ATXN2: variants seen among roughly 807,000 people sequenced by gnomAD.
The protein encoded by ATXN2 is ataxin-2.
ATXN2 carries 37 observed loss-of-function variants against 138.6 expected under a neutral mutation model. The observed-to-expected ratio is 0.27, with a 90% CI of 0.21 to 0.35. The LOEUF (loss-of-function observed/expected upper bound fraction) is 0.35, where lower values mean the gene tolerates loss of function less well. Ranked by LOEUF, ATXN2 falls within the 10% of genes least tolerant of loss-of-function variation. The pLI is 1.00. For synonymous variants in ATXN2, 549 were observed against 543.7 expected, an observed-to-expected ratio of 1.01 and a Z score of -0.13; for missense variants, 1,216 against 1,480.3, an observed-to-expected ratio of 0.82 and a Z score of 2.93.
At chr12:111,452,988 C>G (rs1593087514) in intron 24 of ATXN2, 148 bp from the exon 25 acceptor site, 2 of 468,526 alleles carry the variant, frequency 4.3e-6, no homozygotes, top group Non-Finnish European at 5.2e-6. Context: ...CCATCTGCAC[C>G]AAAGTGGGGA....
chr12:111,519,664 G>A (rs1464853694), intron 8 of ATXN2, among the ~76,000 whole-genome samples: 6 of 152,054 alleles, frequency 3.9e-5, no homozygotes, highest in Non-Finnish European at 7.4e-5. Context: ...ATTGCTCACC[G>A]TGATATACCA....
chr12:111,483,188 AACACATACACACACACACACACAC>A (rs1434626507), intron 18 of ATXN2, among the ~76,000 whole-genome samples: 5 of 118,946 alleles, frequency 4.2e-5, no homozygotes, highest in East Asian at 4.6e-4. Flanking sequence ...CCCTGTATCA[AACACATACACACACACACACACAC>A]ACACACACAC....
chr12:111,466,050 C>G (rs994595711), intron 20 of ATXN2, among the ~76,000 whole-genome samples: 2 of 150,998 alleles, frequency 1.3e-5, no homozygotes, highest in Non-Finnish European at 3.0e-5. Flanking sequence ...CCTGTAGTCC[C>G]AGCTACTCAG....
intron 1 of ATXN2, among the ~76,000 whole-genome samples, chr12:111,572,961 T>C (rs1260381463): frequency 6.6e-6 from 1 of 151,932 alleles, no homozygotes; most frequent in Admixed American, 6.6e-5. Context: ...AAATTAATTA[T>C]GAGTAACAAC....
Position 111,516,449 on chromosome 12 carries a change from CA to C in ATXN2, c.1166-87del, listed in dbSNP as rs1879860647. 8.0e-7 allele frequency: 1 copy of C among 1,256,670 alleles called. No individual in the cohort carries two copies. The highest frequency in any genetic ancestry group is 1.1e-6 in the Non-Finnish European group (1 of 910,486). The allele number at this position is 1,256,670 out of a possible 1,614,324, so 77.8% of individuals were successfully genotyped here. On this transcript the variant is annotated intron_variant, in intron 9 of 24. Transcript: ENST00000673436. The surrounding 1 kb of genome is among the most constrained non-coding windows in gnomAD (Gnocchi z 5.0). Reference sequence around the variant, plus strand: ...AGTAAACAGAAAAAAAGTAAAATGACAAAAATGATTTCTTGTACATTTTAAC... The same window carrying C: ...AGTAAACAGAAAAAAAGTAAAATGACAAAATGATTTCTTGTACATTTTAAC...
rs371770854 is a variant in ATXN2 at position 111,597,775 on chromosome 12, G to A, written c.251+1009C>T. On this transcript the variant is annotated intron_variant, in intron 1 of 24. Coordinates refer to ENST00000673436, the MANE Select transcript of ATXN2 (RefSeq NM_001372574.1). ...TTTCTGCCTTCAGGAACCCGACCAC[G>A]TCCCCTGCTGCAATCTCTCTCTCCT... is the stretch of plus-strand genomic sequence containing the variant. 4.1e-4 allele frequency: 434 copies of A among 1,054,356 alleles called. 1 individual carries two copies. In the African/African-American group the frequency reaches 6.7e-3, roughly 16 times the overall value. The allele number at this position is 1,054,356 out of a possible 1,614,324, so 65.3% of individuals were successfully genotyped here. A position where few individuals can be genotyped will look rare whatever the true frequency, so the allele number is the denominator to read the frequency against.
intron 3 of ATXN2, among the ~76,000 whole-genome samples, chr12:111,553,461 C>T (rs1044973184): frequency 1.0e-4 from 15 of 147,276 alleles, no homozygotes; most frequent in African/African-American, 3.7e-4. Flanking sequence ...CTTGTAATAC[C>T]TAATATAATG....
At chr12:111,560,412 G>A (rs1331991570) in intron 1 of ATXN2, among the ~76,000 whole-genome samples, 1 of 152,014 alleles carries the variant, frequency 6.6e-6, no homozygotes, top group East Asian at 1.9e-4. Context: ...TATCCAACGG[G>A]GGGGTCCTGG....
intron 5 of ATXN2, among the ~76,000 whole-genome samples, chr12:111,535,951 G>A (rs1174596678): frequency 2.1e-5 from 3 of 143,084 alleles, no homozygotes; most frequent in Non-Finnish European, 4.5e-5. Context: ...AGTGAGCCGA[G>A]ATCCCGCCAC....
At chr12:111,566,427 A>C (rs1883008747) in intron 1 of ATXN2, among the ~76,000 whole-genome samples, 1 of 147,560 alleles carries the variant, frequency 6.8e-6, no homozygotes, top group African/African-American at 2.6e-5. Context: ...AGAGCAAAAA[A>C]AACTCCATCT....
intron 1 of ATXN2, among the ~76,000 whole-genome samples, chr12:111,588,246 C>A (rs1010819091): frequency 4.6e-5 from 7 of 151,546 alleles, no homozygotes; most frequent in African/African-American, 1.5e-4. Flanking sequence ...TGTAAAGTCA[C>A]TTGACACAAC....
intron 1 of ATXN2, among the ~76,000 whole-genome samples, chr12:111,581,931 G>C (rs1490165807): frequency 3.3e-5 from 5 of 149,898 alleles, no homozygotes; most frequent in Non-Finnish European, 7.4e-5. Flanking sequence ...TCAATAAACT[G>C]CACGTGTTTC....
intron 1 of ATXN2, among the ~76,000 whole-genome samples, chr12:111,583,786 A>AAAAAC (rs1884159563): frequency 6.6e-6 from 1 of 151,256 alleles, no homozygotes; most frequent in Non-Finnish European, 1.5e-5. Flanking sequence ...AAAAAAAAAA[A>AAAAAC]AAAACAGTGA....
chr12:111,484,208 T>C (rs987038736), intron 18 of ATXN2, among the ~76,000 whole-genome samples: 1 of 152,110 alleles, frequency 6.6e-6, no homozygotes, highest in Non-Finnish European at 1.5e-5. Flanking sequence ...ATCTAGTAAA[T>C]TAATCTAGCA....
intron 22 of ATXN2, 91 bp from the exon 23 acceptor site, chr12:111,456,347 G>T: frequency 7.3e-7 from 1 of 1,373,598 alleles, no homozygotes; most frequent in Non-Finnish European, 1.0e-6. Flanking sequence ...GCACACTTGG[G>T]CCTATGATGA....
intron 5 of ATXN2, among the ~76,000 whole-genome samples, chr12:111,549,678 C>A (rs965559250): frequency 6.6e-6 from 1 of 152,166 alleles, no homozygotes; most frequent in Non-Finnish European, 1.5e-5. Context: ...GCTTAAGAGA[C>A]CTGATGTCCT....
chr12:111,521,007 C>A lies in ATXN2; in HGVS notation c.697-34G>T. ...AAATGAAGCTTGTTTTTCAAAATGT[C>A]AAAGTAGTTGTTCCCTTTCATTCAG... On this transcript the variant is annotated intron_variant, in intron 6 of 24. Transcript: ENST00000673436. 3.0e-6 allele frequency: 4 copies of A among 1,350,468 alleles called. No homozygotes were observed. In the South Asian group the frequency reaches 3.8e-5, roughly 13 times the overall value. The allele number at this position is 1,350,468 out of a possible 1,614,324, so 83.7% of individuals were successfully genotyped here.
chr12:111,530,687 G>A (rs551231923), intron 5 of ATXN2, among the ~76,000 whole-genome samples: 2 of 152,328 alleles, frequency 1.3e-5, no homozygotes, highest in Admixed American at 1.3e-4. Flanking sequence ...AGTGGCCGGC[G>A]CCTGTAATCC....
At chr12:111,492,394 A>G (rs1354993446) in intron 14 of ATXN2, among the ~76,000 whole-genome samples, 1 of 152,252 alleles carries the variant, frequency 6.6e-6, no homozygotes, top group African/African-American at 2.4e-5. Context: ...CTTCTCAAGA[A>G]GAATGGGAGC....
Sources: allele counts gnomAD v4.1 joint callset (sites outside exome capture counted in the v4.1 genomes callset), GRCh38; gene constraint gnomAD v4.1.1; non-coding constraint Gnocchi (gnomAD v3.1); transcripts MANE v1.5; gene names NCBI Gene and HGNC (gene_info 2026-07-23, HGNC 2026-07-21).